Variants in WDR27 observed in about 807,000 individuals in gnomAD.
WDR27 encodes WD repeat domain 27, also known as WD repeat-containing protein 27.
A neutral mutation model predicts 114.4 loss-of-function variants in WDR27; 100 were observed. The observed-to-expected ratio is 0.87, with a 90% CI of 0.74 to 1.03. The LOEUF (loss-of-function observed/expected upper bound fraction) is 1.03. Among genes scored for constraint, WDR27 ranks in the 50% least tolerant of loss-of-function variants. The pLI, the probability that WDR27 is intolerant of heterozygous loss-of-function variation, is 0.00. For missense variants in WDR27, 1,129 were observed against 1,092.9 expected, an observed-to-expected ratio of 1.03 and a Z score of -0.47; for synonymous variants, 449 against 423.1, an observed-to-expected ratio of 1.06 and a Z score of -0.75.
intron 17 of WDR27, among the ~76,000 whole-genome samples, chr6:169,642,591 T>G (rs1819507728): frequency 6.6e-6 from 1 of 152,148 alleles, no homozygotes; most frequent in African/African-American, 2.4e-5. Flanking sequence ...CGGAGAACCG[T>G]TCTCCACCCA....
At chr6:169,466,814 T>C (rs1430360975) in intron 25 of WDR27, among the ~76,000 whole-genome samples, 1 of 152,142 alleles carries the variant, frequency 6.6e-6, no homozygotes, top group Non-Finnish European at 1.5e-5. Context: ...CAAAACACAA[T>C]CATGCTTTTC....
chr6:169,694,850 G>C (rs1053396100), intron 1 of WDR27, among the ~76,000 whole-genome samples: 2 of 152,234 alleles, frequency 1.3e-5, no homozygotes, highest in African/African-American at 4.8e-5. Flanking sequence ...GCGGAAGAAA[G>C]CATCTCTTTC....
chr6:169,671,551 T>C (rs1407218367), intron 3 of WDR27: 1 of 152,278 alleles, frequency 6.6e-6, no homozygotes, highest in Non-Finnish European at 1.5e-5. Flanking sequence ...CTTAACGTGG[T>C]CCCCACCTAA....
chr6:169,492,571 A>T (rs1210551925), intron 25 of WDR27, among the ~76,000 whole-genome samples: 1 of 152,120 alleles, frequency 6.6e-6, no homozygotes, highest in Non-Finnish European at 1.5e-5. Flanking sequence ...ATACCAAGCT[A>T]AATTATCATT....
chr6:169,597,877 T>TATACACAC (rs1554303018), intron 23 of WDR27, among the ~76,000 whole-genome samples: 3 of 142,222 alleles, frequency 2.1e-5, no homozygotes, highest in African/African-American at 7.8e-5. Context: ...TTACCATTCA[T>TATACACAC]ACACACACAC....
the WDR27 span, among the ~76,000 whole-genome samples, chr6:169,432,423 T>C: frequency 6.6e-6 from 1 of 152,232 alleles, no homozygotes; most frequent in African/African-American, 2.4e-5. Flanking sequence ...AAATCTCATC[T>C]TGTAGCTCCC....
intron 25 of WDR27, among the ~76,000 whole-genome samples, chr6:169,571,029 C>T (rs1184887490): frequency 6.6e-6 from 1 of 152,110 alleles, no homozygotes; most frequent in East Asian, 1.9e-4. Context: ...ATTATGAGTT[C>T]TTAGAAAGAA....
intron 23 of WDR27, among the ~76,000 whole-genome samples, chr6:169,591,585 TTA>T (rs1291499049): frequency 6.6e-6 from 1 of 152,176 alleles, no homozygotes; most frequent in Non-Finnish European, 1.5e-5. Context: ...CAATGACATT[TTA>T]TGTTTTTGTT....
chr6:169,669,463 T>C (rs981344058), intron 4 of WDR27: 1 of 152,234 alleles, frequency 6.6e-6, no homozygotes, highest in African/African-American at 2.4e-5. Flanking sequence ...GTTCTCTCCA[T>C]CTGGGACCCA....
At chr6:169,670,520 C>T in intron 4 of WDR27, 49 bp downstream of exon 4, 1 of 1,607,962 alleles carries the variant, frequency 6.2e-7, no homozygotes, top group African/African-American at 1.3e-5. Flanking sequence ...ACCTGGGAGG[C>T]CCCATCAGCT....
At chr6:169,516,822 CACACACACACACA>C (rs1193442593) in intron 25 of WDR27, among the ~76,000 whole-genome samples, 24 of 151,652 alleles carry the variant, frequency 1.6e-4, no homozygotes, top group Non-Finnish European at 2.8e-4. Flanking sequence ...CACACACACA[CACACACACACACA>C]CCCCTCCCTT....
chr6:169,659,269 C>A lies in WDR27; in HGVS notation c.1198-62G>T. On this transcript the variant is annotated intron_variant, in intron 11 of 25. Transcript: ENST00000448612. The surrounding 1 kb of genome is among the most constrained non-coding windows in gnomAD (Gnocchi z 4.3). ...ACCCAGTAAAAGCAGACGAAACGTGCATCCGCACACGTATCCTAACAGCTG... is the reference window on the plus strand; with the variant it reads ...ACCCAGTAAAAGCAGACGAAACGTGAATCCGCACACGTATCCTAACAGCTG... 1 of 1,556,984 alleles carries A rather than the reference C, an allele frequency of 6.4e-7. No individual in the cohort carries two copies.
At chr6:169,652,610 A>T (rs912728947) in intron 13 of WDR27, among the ~76,000 whole-genome samples, 3 of 152,218 alleles carry the variant, frequency 2.0e-5, no homozygotes, top group African/African-American at 7.2e-5. Context: ...ACGTGAACTT[A>T]CCACAAGGGT....
chr6:169,505,415 A>G (rs1791873873), intron 25 of WDR27, among the ~76,000 whole-genome samples: 1 of 152,224 alleles, frequency 6.6e-6, no homozygotes, highest in Non-Finnish European at 1.5e-5. Flanking sequence ...AGGCACATGC[A>G]CCATTTCATT....
the WDR27 span, among the ~76,000 whole-genome samples, chr6:169,429,601 C>T: frequency 6.6e-6 from 1 of 152,140 alleles, no homozygotes; most frequent in South Asian, 2.1e-4. Context: ...TGGAAACCAG[C>T]GAATTCCATC....
intron 25 of WDR27, among the ~76,000 whole-genome samples, chr6:169,462,479 GGAGAGAGA>G (rs568005305): frequency 6.7e-6 from 1 of 150,338 alleles, no homozygotes; most frequent in Non-Finnish European, 1.5e-5. Context: ...AGGAGAGGGG[GGAGAGAGA>G]GAGAGAAAGA....
At chr6:169,550,576 T>C (rs1797968913) in intron 25 of WDR27, among the ~76,000 whole-genome samples, 1 of 150,170 alleles carries the variant, frequency 6.7e-6, no homozygotes, top group Non-Finnish European at 1.5e-5. Context: ...TGTGCCACCA[T>C]ACTCAGGCTA....
At position 169,645,010 on chromosome 6, in the gene WDR27, AAAAAAAAAAAAAT is replaced by A. The variant is rs1201056947; in HGVS notation, c.1658-1237_1658-1225del. 5.7e-4 allele frequency among the ~76,000 whole-genome samples: 35 copies of A among 61,678 alleles called. 1 individual carries two copies. Among genetic ancestry groups the A allele is most frequent in the Admixed American group, 1.6e-3 (8 of 4,864 alleles). 40.5% of individuals were successfully genotyped at this position (61,678 alleles called of 152,430 possible). ...AGTGACAGAGCGAGACTCCGTCTCA[AAAAAAAAAAAAAT>A]AAAAAAAAAAAATAAAAAAAAAAAA... On this transcript the variant is annotated intron_variant, in intron 16 of 25. Transcript: ENST00000448612.
intron 25 of WDR27, among the ~76,000 whole-genome samples, chr6:169,554,402 G>A (rs907169037): frequency 2.0e-5 from 3 of 152,144 alleles, no homozygotes; most frequent in Non-Finnish European, 2.9e-5. Context: ...TGCCCCTGTC[G>A]GTGCTTTGCA....
Sources: allele counts gnomAD v4.1 joint callset (sites outside exome capture counted in the v4.1 genomes callset), GRCh38; gene constraint gnomAD v4.1.1; non-coding constraint Gnocchi (gnomAD v3.1); transcripts MANE v1.5; gene names NCBI Gene and HGNC (gene_info 2026-07-23, HGNC 2026-07-21).